SPATA6: variants seen among roughly 807,000 people sequenced by gnomAD.
The protein encoded by SPATA6 is spermatogenesis-associated protein 6.
In SPATA6, 56 loss-of-function variants were observed where a neutral mutation model predicts 65.3. That is an observed-to-expected ratio of 0.86 (90% confidence interval 0.69 to 1.07). SPATA6 has a LOEUF of 1.07. Among genes scored for constraint, SPATA6 ranks in the 50% least tolerant of loss-of-function variants. The probability of loss-of-function intolerance (pLI) is 0.00; values close to 1 mark genes in which losing one functional copy is unlikely to be tolerated. For missense variants in SPATA6, 590 were observed against 594.8 expected (o/e 0.99, Z 0.08); for synonymous variants, 199 against 213.2 (o/e 0.93, Z 0.58).
At chr1:48,458,397 T>C (rs1242859815) in intron 1 of SPATA6, among the ~76,000 whole-genome samples, 1 of 152,136 alleles carries the variant, frequency 6.6e-6, no homozygotes, top group Non-Finnish European at 1.5e-5. Context: ...CTTAAAAGCA[T>C]TATGTTAAGT....
At chr1:48,351,762 G>T (rs1646519041) in intron 11 of SPATA6, among the ~76,000 whole-genome samples, 1 of 152,058 alleles carries the variant, frequency 6.6e-6, no homozygotes, top group South Asian at 2.1e-4. Flanking sequence ...TTGATGTCTG[G>T]TTATAGCATT....
intron 11 of SPATA6, among the ~76,000 whole-genome samples, chr1:48,321,159 T>C (rs1645587832): frequency 6.6e-6 from 1 of 152,150 alleles, no homozygotes; most frequent in Admixed American, 6.6e-5. Context: ...AGTAAGTCTT[T>C]ACTTATCAAT....
At chr1:48,428,401 T>C (rs895672745) in intron 3 of SPATA6, among the ~76,000 whole-genome samples, 28 of 152,126 alleles carry the variant, frequency 1.8e-4, no homozygotes, top group African/African-American at 6.0e-4. Flanking sequence ...TGCGGTGAGC[T>C]GAGATCATGC....
At chr1:48,369,123 G>A (rs928552340) in intron 9 of SPATA6, among the ~76,000 whole-genome samples, 10 of 152,164 alleles carry the variant, frequency 6.6e-5, no homozygotes, top group African/African-American at 2.4e-4. Flanking sequence ...CGTGAACCGC[G>A]AATGCTGCTG....
chr1:48,372,677 G>T (rs1647419537), intron 9 of SPATA6, among the ~76,000 whole-genome samples: 1 of 152,216 alleles, frequency 6.6e-6, no homozygotes, highest in Non-Finnish European at 1.5e-5. Flanking sequence ...TCTCCATGAG[G>T]GCTCCGCCCC....
At chr1:48,271,845 G>A in the SPATA6 span, among the ~76,000 whole-genome samples, 6 of 152,048 alleles carry the variant, frequency 3.9e-5, no homozygotes, top group Non-Finnish European at 8.8e-5. Flanking sequence ...TTCCCTAGAA[G>A]AGCCTACACA....
chr1:48,374,969 T>C (rs1163575947), intron 9 of SPATA6, among the ~76,000 whole-genome samples: 1 of 152,206 alleles, frequency 6.6e-6, no homozygotes, highest in Non-Finnish European at 1.5e-5. Context: ...GCTTTGCATA[T>C]CAACAGGTTA....
chr1:48,450,772 T>G (rs1656490470), intron 3 of SPATA6, among the ~76,000 whole-genome samples: 1 of 152,184 alleles, frequency 6.6e-6, no homozygotes, highest in African/African-American at 2.4e-5. Context: ...TCTTGCATGT[T>G]CCAGGCTACA....
chr1:48,385,318 C>G lies in SPATA6; in HGVS notation c.900G>C (p.Lys300Asn). 6.2e-7 allele frequency: 1 copy of G among 1,606,554 alleles called. No individual in the cohort carries two copies. The highest frequency in any genetic ancestry group is 8.5e-7 in the Non-Finnish European group (1 of 1,177,304). Residue 300 changes from lysine (K) to asparagine (N), a missense_variant, in exon 9 of 13, where the codon AAG becomes AAC. Transcript: ENST00000371847. ...AATTCATTCTACACACCTTATAATC[C>G]TTGGGTCGGCAGCAGCCAAGATGAG... ...DHSHLGCCRP[K>N]DYKVIRTPHG...
chr1:48,304,121 T>C (rs1408066234), intron 12 of SPATA6, among the ~76,000 whole-genome samples: 1 of 152,192 alleles, frequency 6.6e-6, no homozygotes, highest in Non-Finnish European at 1.5e-5. Context: ...GCCTACTGCA[T>C]AATATTACTT....
In SPATA6 at chr1:48,317,891, A is replaced by G. The variant is rs72679324; in HGVS notation, c.1195-12013T>C. Among the ~76,000 whole-genome samples the G allele has an allele frequency of 7.2e-3, 1,096 of 152,316 alleles. 7 individuals carry two copies. The highest frequency in any genetic ancestry group is 0.011 in the Non-Finnish European group (769 of 68,020). Reference sequence around the variant, plus strand: ...GAAAACCAATACATTTTATGAATACAGATGCAAAATTTCTCAGTAAAATAC... The same window carrying G: ...GAAAACCAATACATTTTATGAATACGGATGCAAAATTTCTCAGTAAAATAC... On this transcript the variant is annotated intron_variant, in intron 11 of 12. Transcript: ENST00000371847.
chr1:48,301,956 T>C (rs1194068080), intron 12 of SPATA6, among the ~76,000 whole-genome samples: 6 of 152,206 alleles, frequency 3.9e-5, no homozygotes, highest in African/African-American at 7.2e-5. Context: ...TGCTTTAGGA[T>C]ATTGATCTAG....
chr1:48,456,639 GCAATGCTGT>G (rs1273517192), intron 1 of SPATA6, among the ~76,000 whole-genome samples: 1 of 152,094 alleles, frequency 6.6e-6, no homozygotes, highest in African/African-American at 2.4e-5. Context: ...TGAAAGTATG[GCAATGCTGT>G]CTCATCAAAT....
At chr1:48,436,186 G>A (rs1385883492) in intron 3 of SPATA6, 1 of 1,611,640 alleles carries the variant, frequency 6.2e-7, no homozygotes. Flanking sequence ...CTTGACTTCT[G>A]TCCATCTTGC....
chr1:48,277,942 G>C, the SPATA6 span, among the ~76,000 whole-genome samples: 1 of 152,266 alleles, frequency 6.6e-6, no homozygotes, highest in Admixed American at 6.5e-5. Flanking sequence ...CAGTAGGGGC[G>C]GACTGACACC....
chr1:48,277,992 G>A, the SPATA6 span, among the ~76,000 whole-genome samples: 1 of 152,158 alleles, frequency 6.6e-6, no homozygotes, highest in South Asian at 2.1e-4. Context: ...AACTTCCAGA[G>A]GAATGATCAG....
intron 8 of SPATA6, among the ~76,000 whole-genome samples, chr1:48,386,680 C>G (rs1271468248): frequency 1.3e-5 from 2 of 152,170 alleles, no homozygotes. Context: ...CACCATGGAT[C>G]CCTACGATAC....
At chr1:48,401,463 G>C (rs1408991918) in intron 6 of SPATA6, among the ~76,000 whole-genome samples, 2 of 152,056 alleles carry the variant, frequency 1.3e-5, no homozygotes, top group African/African-American at 4.8e-5. Flanking sequence ...CTTTTAAAAA[G>C]TGACTGTGTT....
Position 48,471,967 on chromosome 1 carries a change from C to T in SPATA6, c.42G>A (p.Glu14=). Residue 14 remains glutamate, a synonymous_variant, in exon 1 of 13, where the codon GAG becomes GAA. Coordinates refer to ENST00000371847, the MANE Select transcript of SPATA6 (RefSeq NM_019073.4). The part of the protein sequence containing the change: ...VKALQCALAL[E]ISSVTCPGVV... ...CGCTACCGGTACTCACTGAGCTGAT[C>T]TCCAGCGCCAGGGCGCACTGCAGCG... The T allele has an allele frequency of 6.2e-7, 1 of 1,604,630 alleles. No individual in the cohort carries two copies. The highest frequency in any genetic ancestry group is 8.5e-7 in the Non-Finnish European group (1 of 1,176,938).
Sources: allele counts gnomAD v4.1 joint callset (sites outside exome capture counted in the v4.1 genomes callset), GRCh38; gene constraint gnomAD v4.1.1; transcripts MANE v1.5; gene names NCBI Gene and HGNC (gene_info 2026-07-23, HGNC 2026-07-21).